The following CREBBP variants were observed in gnomAD, a reference collection of about 807,000 sequenced individuals.
CREBBP encodes the protein CREB binding lysine acetyltransferase.
In CREBBP, 19 loss-of-function variants were observed where a neutral mutation model predicts 265.0. The ratio of observed to expected loss-of-function variants is 0.07; its 90% CI spans 0.05 to 0.11. The LOEUF (loss-of-function observed/expected upper bound fraction) is 0.11. CREBBP is among the 10% of genes least tolerant of loss of function. The probability of loss-of-function intolerance (pLI) is 1.00; values close to 1 mark genes in which losing one functional copy is unlikely to be tolerated. For synonymous variants in CREBBP, 1,457 were observed against 1,223.7 expected, an observed-to-expected ratio of 1.19 and a Z score of -3.98; for missense variants, 2,525 against 3,219.0, an observed-to-expected ratio of 0.78 and a Z score of 5.22.
At chr16:3,808,738 G>A (rs952113991) in intron 3 of CREBBP, among the ~76,000 whole-genome samples, 11 of 152,222 alleles carry the variant, frequency 7.2e-5, no homozygotes, top group African/African-American at 2.7e-4. Context: ...TGTTAGGTCA[G>A]GGTTTCCCTG....
chr16:3,782,952 C>CA (rs1318437637), intron 5 of CREBBP, 26 bp from the exon 6 acceptor site: 1 of 1,613,766 alleles, frequency 6.2e-7, no homozygotes, highest in African/African-American at 1.3e-5. Context: ...GACAGACAGA[C>CA]AAAAACGAGA....
At chr16:3,826,778 T>C (rs966487556) in intron 2 of CREBBP, among the ~76,000 whole-genome samples, 1 of 152,134 alleles carries the variant, frequency 6.6e-6, no homozygotes, top group Non-Finnish European at 1.5e-5. Context: ...GTATCATGGA[T>C]GGTATTCCAC....
At chr16:3,790,300 G>T (rs1361520241) in intron 5 of CREBBP, among the ~76,000 whole-genome samples, 1 of 151,380 alleles carries the variant, frequency 6.6e-6, no homozygotes, top group Admixed American at 6.6e-5. Context: ...AATGTCCAGG[G>T]AAATTGTTTA....
intron 23 of CREBBP, chr16:3,741,003 AAT>A (rs1409249325): frequency 3.5e-6 from 1 of 283,694 alleles, no homozygotes; most frequent in Non-Finnish European, 6.9e-6. Context: ...AGGGCTAACC[AAT>A]TAAGCTCTGG....
At chr16:3,744,813 G>C (rs1198092873) in intron 23 of CREBBP, 81 bp downstream of exon 23, 1 of 1,084,280 alleles carries the variant, frequency 9.2e-7, no homozygotes, top group Non-Finnish European at 1.4e-6. Context: ...TGTGTTGAGA[G>C]GAACCAAAGA....
In CREBBP at chr16:3,773,794, C is replaced by G. The variant is rs750178517; in HGVS notation, c.2420G>C (p.Ser807Thr). The change falls in exon 13 of 31, where the codon AGT becomes ACT. Residue 807 changes from serine (S) to threonine (T), a missense_variant. Ser to Thr is a moderately conservative substitution (Grantham distance 58, BLOSUM62 1). Around this residue, in one of 19 missense-constraint regions of CREBBP, gnomAD observed 548 missense variants for 533.0 expected, o/e 1.03. Coordinates refer to ENST00000262367, the MANE Select transcript of CREBBP (RefSeq NM_004380.3). ...NQFPSSSGAM[S>T]VGMGQPPAQT... Reference sequence around the variant, plus strand: ...GGCTGGCGGCTGCCCCATGCCCACACTCATCGCCCCGCTGGATGACGGGAA... The same window carrying G: ...GGCTGGCGGCTGCCCCATGCCCACAGTCATCGCCCCGCTGGATGACGGGAA... 4 of 1,613,606 alleles carry G rather than the reference C, an allele frequency of 2.5e-6. No individual in the cohort carries two copies. The African/African-American group carries it at 4.0e-5, about 16-fold the overall frequency.
At position 3,731,615 on chromosome 16, in the gene CREBBP, T is replaced by C; in HGVS notation, c.4891-142A>G. ...CCTGATGCCTTGGGATGGAACAAAATTGGTGACACGTTGCATGATGTCACC... is the reference window on the plus strand; with the variant it reads ...CCTGATGCCTTGGGATGGAACAAAACTGGTGACACGTTGCATGATGTCACC... On this transcript the variant is annotated intron_variant, in intron 29 of 30. Coordinates refer to ENST00000262367, the MANE Select transcript of CREBBP (RefSeq NM_004380.3). This position sits in a 1 kb window ranked among gnomAD's most constrained non-coding sequence, Gnocchi z 7.7. The C allele has an allele frequency of 7.1e-7, 1 of 1,404,978 alleles. No homozygotes were observed. Among genetic ancestry groups the C allele is most frequent in the Non-Finnish European group, 1.0e-6 (1 of 1,004,430 alleles). 87.0% of individuals were successfully genotyped at this position (1,404,978 alleles called of 1,614,324 possible).
At chr16:3,751,641 C>G in intron 20 of CREBBP, 85 bp downstream of exon 20, 1 of 1,344,778 alleles carries the variant, frequency 7.4e-7, no homozygotes, top group Non-Finnish European at 1.1e-6. Context: ...GGCACCGGTA[C>G]CTTCCTTATA....
intron 18 of CREBBP, 42 bp downstream of exon 18, chr16:3,757,767 T>C (rs565630053): frequency 1.1e-5 from 17 of 1,611,008 alleles, no homozygotes; most frequent in African/African-American, 6.7e-5. Context: ...CTGGCTGGAT[T>C]AACCAGGAAA....
At chr16:3,781,057 T>C (rs1184515941) in intron 7 of CREBBP, 147 bp downstream of exon 7, 1 of 1,025,170 alleles carries the variant, frequency 9.8e-7, no homozygotes, top group African/African-American at 1.6e-5. Flanking sequence ...ACATTTATAA[T>C]TAAAGAAAAA....
chr16:3,773,652 G>A, intron 13 of CREBBP, 99 bp downstream of exon 13: 1 of 1,292,188 alleles, frequency 7.7e-7, no homozygotes, highest in Admixed American at 2.1e-5. Context: ...GTGCATTCTG[G>A]AATTTTAATT....
intron 2 of CREBBP, among the ~76,000 whole-genome samples, chr16:3,811,398 C>G (rs1023800678): frequency 2.6e-4 from 39 of 152,222 alleles, no homozygotes; most frequent in Admixed American, 1.7e-3. Flanking sequence ...CCTCCTCATC[C>G]TCCTCAACGT....
chr16:3,801,447 T>C (rs2053710661), intron 3 of CREBBP, among the ~76,000 whole-genome samples: 1 of 152,132 alleles, frequency 6.6e-6, no homozygotes, highest in African/African-American at 2.4e-5. Context: ...GGTGGGCAGA[T>C]CACTTGAGGT....
intron 1 of CREBBP, among the ~76,000 whole-genome samples, chr16:3,863,666 C>A (rs1223425875): frequency 6.6e-6 from 1 of 152,078 alleles, no homozygotes; most frequent in Non-Finnish European, 1.5e-5. Flanking sequence ...CACCTGGGAC[C>A]CTAAACTGTC....
chr16:3,745,866 GAGTC>G (rs2052330066), intron 21 of CREBBP, among the ~76,000 whole-genome samples: 1 of 152,240 alleles, frequency 6.6e-6, no homozygotes, highest in African/African-American at 2.4e-5. Flanking sequence ...CACCAGTTCT[GAGTC>G]AGTTACAAAA....
At chr16:3,790,637 A>G (rs1272779541) in intron 5 of CREBBP, among the ~76,000 whole-genome samples, 1 of 152,060 alleles carries the variant, frequency 6.6e-6, no homozygotes, top group Non-Finnish European at 1.5e-5. Flanking sequence ...GGCGTGAGCC[A>G]TTGCGCCTGG....
intron 2 of CREBBP, among the ~76,000 whole-genome samples, chr16:3,813,591 C>CA: frequency 6.6e-6 from 1 of 152,078 alleles, no homozygotes; most frequent in South Asian, 2.1e-4. Flanking sequence ...CGAACAACAA[C>CA]AAAAAATATA....
At chr16:3,777,761 G>C in intron 10 of CREBBP, 104 bp from the exon 11 acceptor site, 9 of 1,387,154 alleles carry the variant, frequency 6.5e-6, no homozygotes, top group Non-Finnish European at 9.1e-6. Flanking sequence ...AACTTAAAAG[G>C]GAAAACAGCC....
chr16:3,804,362 A>G (rs936894025), intron 3 of CREBBP, among the ~76,000 whole-genome samples: 5 of 152,184 alleles, frequency 3.3e-5, no homozygotes, highest in African/African-American at 1.2e-4. Context: ...AGGAACATAA[A>G]CAAAAATTTA....
Sources: gnomAD v4.1 joint callset for allele counts (sites outside exome capture counted in the v4.1 genomes callset) on GRCh38, gnomAD v4.1.1 for gene constraint, gnomAD v4.1.1 regional missense constraint, Gnocchi (gnomAD v3.1) non-coding constraint, MANE v1.5 for transcripts, NCBI Gene and HGNC (gene_info 2026-07-23, HGNC 2026-07-21) for gene names.